SHANK1: variants seen among roughly 807,000 people sequenced by gnomAD.
SHANK1 encodes SH3 and multiple ankyrin repeat domains protein 1.
SHANK1 carries 35 observed loss-of-function variants against 165.6 expected under a neutral mutation model. The observed-to-expected ratio is 0.21, with a 90% CI of 0.16 to 0.28. The LOEUF (loss-of-function observed/expected upper bound fraction) is 0.28, where lower values mean the gene tolerates loss of function less well. Among genes scored for constraint, SHANK1 ranks in the 10% least tolerant of loss-of-function variants. The pLI, the probability that SHANK1 is intolerant of heterozygous loss-of-function variation, is 1.00. For missense variants in SHANK1, 2,681 were observed against 3,036.4 expected, an observed-to-expected ratio of 0.88 and a Z score of 2.75; for synonymous variants, 1,428 against 1,384.8, an observed-to-expected ratio of 1.03 and a Z score of -0.69.
intron 12 of SHANK1, among the ~76,000 whole-genome samples, chr19:50,698,510 C>T (rs577677955): frequency 5.9e-4 from 89 of 152,034 alleles, no homozygotes; most frequent in African/African-American, 2.0e-3. Context: ...AGCGGCTTCC[C>T]CCTGCCCACC....
At position 50,717,022 on chromosome 19, in the gene SHANK1, C is replaced by T. The variant is rs539064238; in HGVS notation, c.-43-60G>A. 32 of 1,322,528 alleles carry T rather than the reference C, an allele frequency of 2.4e-5. No homozygotes were observed. The highest frequency in any genetic ancestry group is 1.8e-4 in the South Asian group (9 of 50,208). 81.9% of individuals were successfully genotyped at this position (1,322,528 alleles called of 1,614,324 possible). On this transcript the variant is annotated intron_variant, in intron 1 of 23. Transcript: ENST00000293441. The surrounding 1 kb of genome is among the most constrained non-coding windows in gnomAD (Gnocchi z 5.5). Reference sequence around the variant, plus strand: ...CCCGGGACCCCTCAGAGGCCGCAGGCGCTATTCGGTGGTCAAGCGGTCAAG... The same window carrying T: ...CCCGGGACCCCTCAGAGGCCGCAGGTGCTATTCGGTGGTCAAGCGGTCAAG...
At position 50,713,897 on chromosome 19, in the gene SHANK1, T is replaced by C; in HGVS notation, c.693A>G (p.Arg231=). The C allele has an allele frequency of 6.8e-6, 11 of 1,613,862 alleles. No homozygotes were observed. Among genetic ancestry groups the C allele is most frequent in the Non-Finnish European group, 9.3e-6 (11 of 1,179,936 alleles). Residue 231 remains arginine (R), a synonymous_variant, in exon 6 of 24, where the codon CGA becomes CGG. Coordinates refer to ENST00000293441, the MANE Select transcript of SHANK1 (RefSeq NM_016148.5). This position sits in a 1 kb window ranked among gnomAD's most constrained non-coding sequence, Gnocchi z 6.2. The stretch of plus-strand genomic sequence containing the variant: ...TGTGGGCCCCGCCCAGGCACAGGGT[T>C]CGAATCACCTCTACAGAGCCTTCGG... ...AQTEGSVEVI[R]TLCLGGAHID...
chr19:50,668,790 G>T lies in SHANK1; in HGVS notation c.3170C>A (p.Pro1057Gln). The T allele has an allele frequency of 7.9e-7, 1 of 1,266,726 alleles. No homozygotes were observed. The highest frequency in any genetic ancestry group is 9.9e-7 in the Non-Finnish European group (1 of 1,011,650). The allele number at this position is 1,266,726 out of a possible 1,614,324, so 78.5% of individuals were successfully genotyped here. A position where few individuals can be genotyped will look rare whatever the true frequency, so the allele number is the denominator to read the frequency against. Residue 1057 changes from proline to glutamine, a missense_variant, in exon 23 of 24, where the codon CCG becomes CAG. Around this residue, in one of 10 missense-constraint regions of SHANK1, gnomAD observed 1,713 missense variants for 1,630.2 expected, o/e 1.05. Transcript: ENST00000293441. ...CGATGGGGACGGGGCCCCCGGGGTC[G>T]GGCTGGGCCCGCCGCCCCTCCAGCC... ...LRGWRGGGPS[P>Q]TPGAPSPSHH...
intron 6 of SHANK1, among the ~76,000 whole-genome samples, chr19:50,712,589 G>GT (rs113713141): frequency 3.1e-4 from 47 of 152,366 alleles, no homozygotes; most frequent in African/African-American, 9.1e-4. Context: ...TTGGGTAAGG[G>GT]CAAGGATCGG....
At chr19:50,673,511 C>T (rs528842405) in intron 21 of SHANK1, among the ~76,000 whole-genome samples, 28 of 152,210 alleles carry the variant, frequency 1.8e-4, no homozygotes, top group Non-Finnish European at 3.4e-4. Flanking sequence ...TTCTCCTCGG[C>T]GAGACCTTCC....
At chr19:50,699,594 T>C (rs1441845873) in intron 12 of SHANK1, among the ~76,000 whole-genome samples, 1 of 152,042 alleles carries the variant, frequency 6.6e-6, no homozygotes, top group African/African-American at 2.4e-5. Context: ...AAGAGTTTGG[T>C]GTACAAGAAA....
In SHANK1 at chr19:50,714,355, C is replaced by T. The variant is rs1599874295; in HGVS notation, c.532-65G>A. The T allele has an allele frequency of 5.8e-6, 8 of 1,381,272 alleles. No individual in the cohort carries two copies. The East Asian group carries it at 7.0e-5, about 12-fold the overall frequency. The allele number at this position is 1,381,272 out of a possible 1,614,324, so 85.6% of individuals were successfully genotyped here. The stretch of plus-strand genomic sequence containing the variant: ...GAGCAAGGCAGAGAAGCAGGGTCCT[C>T]AAGCAGCGACGTCCAGTGAAAATAT... On this transcript the variant is annotated intron_variant, in intron 4 of 23. Coordinates refer to ENST00000293441, the MANE Select transcript of SHANK1 (RefSeq NM_016148.5).
chr19:50,706,103 G>T (rs1046913778), intron 8 of SHANK1, among the ~76,000 whole-genome samples: 1 of 131,018 alleles, frequency 7.6e-6, no homozygotes, highest in Admixed American at 9.7e-5. Context: ...AGGCTGCAAA[G>T]ATCCTTGTTC....
In SHANK1 at chr19:50,685,079, G is replaced by A. The variant is rs74839804; in HGVS notation, c.2577+1158C>T. Among the ~76,000 whole-genome samples, 1,113 of 152,320 alleles carry A rather than the reference G, an allele frequency of 7.3e-3. 10 individuals are homozygous for A. The highest frequency in any genetic ancestry group is 0.025 in the African/African-American group (1,041 of 41,560). ...CCCCTGACCACTACGTGGTGGATGC[G>A]GCCAGAGGATGGGGACTGGGCAGAG... is the stretch of plus-strand genomic sequence containing the variant. On this transcript the variant is annotated intron_variant, in intron 21 of 23. Coordinates refer to ENST00000293441, the MANE Select transcript of SHANK1 (RefSeq NM_016148.5).
In SHANK1 at chr19:50,716,612, G is replaced by A; in HGVS notation, c.255+53C>T. The stretch of plus-strand genomic sequence containing the variant: ...TACCCAGCACCAGTGGACTCCCCAT[G>A]TCGGTTGGGGCACTGTCCCTCTCCT... On this transcript the variant is annotated intron_variant, in intron 2 of 23. Coordinates refer to ENST00000293441, the MANE Select transcript of SHANK1 (RefSeq NM_016148.5). The surrounding 1 kb of genome is among the most constrained non-coding windows in gnomAD (Gnocchi z 8.4). The A allele has an allele frequency of 1.3e-6, 2 of 1,553,696 alleles. No individual in the cohort carries two copies. Among genetic ancestry groups the A allele is most frequent in the Non-Finnish European group, 8.7e-7 (1 of 1,146,202 alleles).
intron 8 of SHANK1, among the ~76,000 whole-genome samples, chr19:50,706,491 C>T (rs2123184015): frequency 6.6e-6 from 1 of 152,168 alleles, no homozygotes; most frequent in South Asian, 2.1e-4. Flanking sequence ...CCTGCCACTC[C>T]CCACCCTGAC....
chr19:50,714,379 A>G (rs1335941224), intron 4 of SHANK1, 89 bp from the exon 5 acceptor site: 4 of 1,075,158 alleles, frequency 3.7e-6, no homozygotes, highest in East Asian at 5.1e-5. Context: ...CAGTGAAAAT[A>G]TACGTGGAGT....
At chr19:50,714,019 C>T in intron 5 of SHANK1, 70 bp from the exon 6 acceptor site, 1 of 1,583,002 alleles carries the variant, frequency 6.3e-7, no homozygotes, top group Non-Finnish European at 8.6e-7. Flanking sequence ...ATTTTCCAGG[C>T]TCTGCAGCTC....
rs988224493 is a variant in SHANK1 at position 50,659,336 on chromosome 19, G to T, written c.*2629C>A. On this transcript the variant is annotated 3_prime_UTR_variant, in exon 24 of 24. Coordinates refer to ENST00000293441, the MANE Select transcript of SHANK1 (RefSeq NM_016148.5). Reference sequence around the variant, plus strand: ...TTTCTCTCTGCAAAATCTTGGTGGGGAGTCAGGGGAAGGGAGGTGATGGGG... The same window carrying T: ...TTTCTCTCTGCAAAATCTTGGTGGGTAGTCAGGGGAAGGGAGGTGATGGGG... The T allele has an allele frequency of 1.2e-5, 5 of 428,624 alleles. No individual in the cohort carries two copies. The South Asian group carries it at 4.3e-4, about 37-fold the overall frequency. 26.6% of individuals were successfully genotyped at this position (428,624 alleles called of 1,614,324 possible). A position where few individuals can be genotyped will look rare whatever the true frequency, so the allele number is the denominator to read the frequency against.
Position 50,666,929 on chromosome 19 carries a change from C to T in SHANK1, c.5031G>A (p.Glu1677=), listed in dbSNP as rs1489749841. The T allele has an allele frequency of 1.9e-6, 3 of 1,601,626 alleles. No individual in the cohort carries two copies. In the African/African-American group the frequency reaches 4.0e-5, roughly 21 times the overall value. ...GGTCACTGCTGCTCCGACTGTCCAC[C>T]TCCTCGATGCCAGAATCCGTGCCAG... is the stretch of plus-strand genomic sequence containing the variant. ...PPPGTDSGIE[E]VDSRSSSDHP... The change falls in exon 23 of 24, where the codon GAG becomes GAA. Residue 1677 remains glutamate, a synonymous_variant. Transcript: ENST00000293441.
At position 50,662,303 on chromosome 19, in the gene SHANK1, A is replaced by G. The variant is rs1307667422; in HGVS notation, c.6148T>C (p.Phe2050Leu). The change falls in exon 24 of 24, where the codon TTC becomes CTC. Residue 2050 changes from phenylalanine to leucine, a missense_variant. By Grantham distance (22) the Phe-to-Leu change is conservative. Coordinates refer to ENST00000293441, the MANE Select transcript of SHANK1 (RefSeq NM_016148.5). This position sits in a 1 kb window ranked among gnomAD's most constrained non-coding sequence, Gnocchi z 7.7. ...TGTGGCGGCACAAAGACTGGGGCGA[A>G]GGGGTCAGCCGAGCCTCCTGCCCCT... is the stretch of plus-strand genomic sequence containing the variant. ...TGGAGGSADP[F>L]APVFVPPHPG... The G allele has an allele frequency of 5.0e-6, 8 of 1,610,724 alleles. No homozygotes were observed. The highest frequency in any genetic ancestry group is 6.8e-6 in the Non-Finnish European group (8 of 1,178,172).
chr19:50,707,026 C>G (rs2088946946), intron 8 of SHANK1, among the ~76,000 whole-genome samples: 1 of 152,226 alleles, frequency 6.6e-6, no homozygotes, highest in Admixed American at 6.5e-5. Flanking sequence ...GATCCGCCTG[C>G]CTTGGCTTCC....
chr19:50,694,380 G>A (rs1205112378), intron 15 of SHANK1, among the ~76,000 whole-genome samples: 1 of 151,120 alleles, frequency 6.6e-6, no homozygotes, highest in South Asian at 2.1e-4. Flanking sequence ...ATGAATGGGG[G>A]GACTTGCCAA....
In SHANK1 at chr19:50,702,574, C is replaced by T. The variant is rs201453898; in HGVS notation, c.1640G>A (p.Arg547Gln). 176 of 1,610,636 alleles carry T rather than the reference C, an allele frequency of 1.1e-4. No individual in the cohort carries two copies. The East Asian group carries it at 2.5e-3, about 23-fold the overall frequency. The change falls in exon 12 of 24, where the codon CGG becomes CAG. Residue 547 changes from arginine (R) to glutamine (Q), a missense_variant. Transcript: ENST00000293441. This position sits in a 1 kb window ranked among gnomAD's most constrained non-coding sequence, Gnocchi z 5.3. ...PGGSLGSRGR[R>Q]RKLYSAVPGR... is the part of the protein sequence containing the mutation. ...GGGTACCGCTGAGTAGAGCTTCCTC[C>T]GCCTCCCGCGGCTGCCCAGGGAGCC...
Sources: allele counts gnomAD v4.1 joint callset (sites outside exome capture counted in the v4.1 genomes callset), GRCh38; gene constraint gnomAD v4.1.1; regional missense constraint gnomAD v4.1.1; non-coding constraint Gnocchi (gnomAD v3.1); transcripts MANE v1.5; gene names NCBI Gene and HGNC (gene_info 2026-07-23, HGNC 2026-07-21).